SMIM27: variants seen among roughly 807,000 people sequenced by gnomAD.
SMIM27 encodes the protein TOPORS antisense RNA 1 (non-protein coding).
In SMIM27, 3 loss-of-function variants were observed where a neutral mutation model predicts 1.8. The observed-to-expected ratio is 1.65, with a 90% confidence interval of 0.75 to 4.28. SMIM27 has a LOEUF of 4.28. SMIM27 is among the 30% of genes most tolerant of loss of function. The pLI is 0.02. For missense variants in SMIM27, 63 were observed against 37.0 expected (o/e 1.70, Z -1.83); for synonymous variants, 19 against 13.9 (o/e 1.37, Z -0.82).
In SMIM27 at chr9:32,561,956, T is replaced by G. The variant is rs142462360; in HGVS notation, c.46-4435T>G. Among the ~76,000 whole-genome samples, 934 of 152,340 alleles carry G rather than the reference T, an allele frequency of 6.1e-3. 20 individuals are homozygous for G. The highest frequency in any genetic ancestry group is 0.021 in the African/African-American group (879 of 41,580). ...CAATGTTTTTCTTTGTTTTCCTCAA[T>G]GTATCACATTCATCAAGTCACTCTC... is the stretch of plus-strand genomic sequence containing the variant. On this transcript the variant is annotated intron_variant, in intron 1 of 1. Transcript: ENST00000451672.
At chr9:32,555,262 A>G (rs1276252704), downstream of SMIM27, among the ~76,000 whole-genome samples, 1 of 152,204 alleles carries the variant, frequency 6.6e-6, no homozygotes, top group Non-Finnish European at 1.5e-5. Flanking sequence ...TAAATAAAAA[A>G]TCAGGACCTT....
chr9:32,562,505 T>C (rs1030495420), intron 1 of SMIM27, among the ~76,000 whole-genome samples: 1 of 152,236 alleles, frequency 6.6e-6, no homozygotes, highest in Non-Finnish European at 1.5e-5. Context: ...AAAGCCAACA[T>C]TCACTGGATT....
intron 1 of SMIM27, among the ~76,000 whole-genome samples, chr9:32,560,735 G>C (rs1287338596): frequency 6.6e-6 from 1 of 152,154 alleles, no homozygotes; most frequent in Non-Finnish European, 1.5e-5. Context: ...AGCTATGTTT[G>C]TAAATGGAAT....
chr9:32,563,490 G>GTTTTTTTTTTTTTTTTTTT (rs1239149080), intron 1 of SMIM27, among the ~76,000 whole-genome samples: 3 of 47,560 alleles, frequency 6.3e-5, no homozygotes, highest in African/African-American at 2.7e-4. Flanking sequence ...GGACTATTGG[G>GTTTTTTTTTTTTTTTTTTT]CTTTTTTTTT....
upstream of SMIM27, chr9:32,552,174 CAAAAAAA>C (rs35415231): frequency 2.8e-5 from 14 of 496,524 alleles, no homozygotes; most frequent in Non-Finnish European, 3.9e-5. Flanking sequence ...CCTTAGTTGG[CAAAAAAA>C]AAAAAAAAAA....
intron 1 of SMIM27, chr9:32,558,990 T>C (rs776029511): frequency 1.4e-6 from 2 of 1,461,658 alleles, no homozygotes; most frequent in South Asian, 2.5e-5. Flanking sequence ...AATTATGGTG[T>C]TAAGAGTTTC....
At chr9:32,555,298 C>T (rs1821426510), downstream of SMIM27, among the ~76,000 whole-genome samples, 1 of 152,170 alleles carries the variant, frequency 6.6e-6, no homozygotes, top group Admixed American at 6.5e-5. Context: ...CACACTACTT[C>T]AGAATTCCTA....
downstream of SMIM27, among the ~76,000 whole-genome samples, chr9:32,555,181 G>A (rs563166169): frequency 6.6e-6 from 1 of 152,236 alleles, no homozygotes; most frequent in East Asian, 1.9e-4. Context: ...GGGAGTCCAA[G>A]GCAGGAGGAT....
chr9:32,551,377 G>C (rs944394489), upstream of SMIM27: 9 of 337,520 alleles, frequency 2.7e-5, no homozygotes, highest in Non-Finnish European at 1.7e-5. Flanking sequence ...CCTGTTGTAC[G>C]CCTCCCGGAA....
At chr9:32,559,969 C>T (rs1308538952) in intron 1 of SMIM27, among the ~76,000 whole-genome samples, 1 of 152,192 alleles carries the variant, frequency 6.6e-6, no homozygotes, top group Non-Finnish European at 1.5e-5. Context: ...CAAGATACCA[C>T]TGCCCAAAAT....
chr9:32,565,521 T>C (rs1212627913), intron 1 of SMIM27: 1 of 152,230 alleles, frequency 6.6e-6, no homozygotes, highest in Admixed American at 6.5e-5. Context: ...CGTTTTAGTA[T>C]GGTGACCACA....
rs1415338726 is a variant in SMIM27 at position 32,552,824 on chromosome 9, C to G, written c.69C>G (p.Ile23Met). 6 of 702,496 alleles carry G rather than the reference C, an allele frequency of 8.5e-6. No homozygotes were observed. Among genetic ancestry groups the G allele is most frequent in the African/African-American group, 1.7e-5 (1 of 57,242 alleles). The allele number at this position is 702,496 out of a possible 1,614,324, so 43.5% of individuals were successfully genotyped here. ...AGTTGCTGCTTGCCATCGTTTTAAT[C>G]TCCTGGGGCTGCATCATCTATGCTT... ...YSVLLLAIVL[I>M]SWGCIIYASM... Residue 23 changes from isoleucine to methionine, a missense_variant, in exon 2 of 2, where the codon ATC (isoleucine) becomes ATG (methionine). By Grantham distance (10) the Ile-to-Met change is conservative. Transcript: ENST00000692500.
intron 1 of SMIM27, 130 bp downstream of exon 1, chr9:32,552,609 G>C (rs1821320971): frequency 2.5e-6 from 2 of 793,324 alleles, no homozygotes; most frequent in East Asian, 5.3e-5. Flanking sequence ...CCCTCACCTC[G>C]ACTCCGCCTC....
chr9:32,566,821 G>C (rs899372416), exon 2 of SMIM27: 11 of 881,362 alleles, frequency 1.2e-5, no homozygotes, highest in Non-Finnish European at 2.0e-5. Context: ...CTCTGCCTCT[G>C]TGGGGGCCTG....
At chr9:32,555,995 C>T (rs1423139606), downstream of SMIM27, among the ~76,000 whole-genome samples, 2 of 152,242 alleles carry the variant, frequency 1.3e-5, no homozygotes, top group African/African-American at 4.8e-5. Context: ...ATACAGTTAA[C>T]TTGTCTTCTT....
chr9:32,566,445 G>C, exon 2 of SMIM27: 1 of 823,156 alleles, frequency 1.2e-6, no homozygotes, highest in Non-Finnish European at 2.2e-6. Context: ...GGTTGATGGA[G>C]TATCTTGACA....
upstream of SMIM27, chr9:32,552,085 A>T: frequency 2.0e-6 from 1 of 489,434 alleles, no homozygotes; most frequent in Non-Finnish European, 3.7e-6. Context: ...ATTAACTTTT[A>T]AATGGACACG....
At chr9:32,566,851 CG>C in exon 2 of SMIM27, 1 of 816,550 alleles carries the variant, frequency 1.2e-6, no homozygotes, top group Non-Finnish European at 2.0e-6. Context: ...CAGTAGCTGC[CG>C]GGCGGCCTGG....
At chr9:32,553,788 T>A, downstream of SMIM27, 2 of 876,566 alleles carry the variant, frequency 2.3e-6, no homozygotes, top group Non-Finnish European at 3.7e-6. Flanking sequence ...TTAAACTTTA[T>A]TAAAGTTACT....
Sources: allele counts gnomAD v4.1 joint callset (sites outside exome capture counted in the v4.1 genomes callset), GRCh38; gene constraint gnomAD v4.1.1; transcripts MANE v1.5; gene names NCBI Gene and HGNC (gene_info 2026-07-23, HGNC 2026-07-21).